The following GDF7 variants were observed in gnomAD, a reference collection of about 807,000 sequenced individuals.
GDF7 encodes the protein growth differentiation factor 7, also known as growth/differentiation factor 7.
In GDF7, 12 loss-of-function variants were observed where a neutral mutation model predicts 13.4. The ratio of observed to expected loss-of-function variants is 0.90; its 90% CI spans 0.57 to 1.45. The LOEUF (loss-of-function observed/expected upper bound fraction) is 1.45, where lower values mean the gene tolerates loss of function less well. GDF7 is among the 40% of genes most tolerant of loss of function. GDF7 has a pLI of 0.00. For synonymous variants in GDF7, 330 were observed against 306.4 expected (o/e 1.08, Z -0.80); for missense variants, 651 against 652.4 (o/e 1.00, Z 0.02).
In GDF7 at chr2:20,673,981, G is replaced by A. The variant is rs1046583509; in HGVS notation, c.*2556G>A. On this transcript the variant is annotated 3_prime_UTR_variant, in exon 2 of 2. Coordinates refer to ENST00000272224, the MANE Select transcript of GDF7 (RefSeq NM_182828.4). ...TCTGGCATCTCAGTCCATTCACTAG[G>A]TGAATGCAGAGGATCCATTTCACTT... 3 of 152,266 alleles carry A rather than the reference G, an allele frequency of 2.0e-5. No individual in the cohort carries two copies. The highest frequency in any genetic ancestry group is 4.4e-5 in the Non-Finnish European group (3 of 68,052). 9.4% of individuals were successfully genotyped at this position (152,266 alleles called of 1,614,324 possible). A position where few individuals can be genotyped will look rare whatever the true frequency, so the allele number is the denominator to read the frequency against.
chr2:20,673,873 CTCTT>C lies in GDF7; in HGVS notation c.*2450_*2453del, dbSNP rs1662173337. 6.6e-6 allele frequency: 1 copy of C among 152,224 alleles called. No individual in the cohort carries two copies. Among genetic ancestry groups the C allele is most frequent in the Non-Finnish European group, 1.5e-5 (1 of 68,054 alleles). 9.4% of individuals were successfully genotyped at this position (152,224 alleles called of 1,614,324 possible). On this transcript the variant is annotated 3_prime_UTR_variant, in exon 2 of 2. Coordinates refer to ENST00000272224, the MANE Select transcript of GDF7 (RefSeq NM_182828.4). ...TCCATGGCCCCATACCCTCAGTGTG[CTCTT>C]TGTTTACTGGATAAAAGGAATGCTT...
rs1695971569 is a variant in GDF7, at chr2:20,667,239, C to T, written c.-1C>T. 1.6e-6 allele frequency: 2 copies of T among 1,230,840 alleles called. No homozygotes were observed. The highest frequency in any genetic ancestry group is 3.9e-5 in the East Asian group (1 of 25,550). The allele number at this position is 1,230,840 out of a possible 1,614,324, so 76.2% of individuals were successfully genotyped here. On this transcript the variant is annotated 5_prime_UTR_variant, in exon 1 of 2. Coordinates refer to ENST00000272224, the MANE Select transcript of GDF7 (RefSeq NM_182828.4). The surrounding 1 kb of genome is among the most constrained non-coding windows in gnomAD (Gnocchi z 6.4). ...GCCCGCCCGCCCGGCCCACGGAGCC[C>T]ATGGACCTGAGCGCCGCCGCCGCGC...
chr2:20,677,862 G>A lies in GDF7; in HGVS notation c.*6437G>A, dbSNP rs1558365585. On this transcript the variant is annotated 3_prime_UTR_variant, in exon 2 of 2. Coordinates refer to ENST00000272224, the MANE Select transcript of GDF7 (RefSeq NM_182828.4). ...AATGAGTCTGAAAAGCAGTGACCAGGTGTGTTGAGGGCCTCCCCTTGCCTG... is the reference window on the plus strand; with the variant it reads ...AATGAGTCTGAAAAGCAGTGACCAGATGTGTTGAGGGCCTCCCCTTGCCTG... 1 of 152,474 alleles carries A rather than the reference G, an allele frequency of 6.6e-6. No individual in the cohort carries two copies. The highest frequency in any genetic ancestry group is 1.5e-5 in the Non-Finnish European group (1 of 68,230). 9.4% of individuals were successfully genotyped at this position (152,474 alleles called of 1,614,324 possible).
rs376857749 is a variant in GDF7 at position 20,671,296 on chromosome 2, C to G, written c.1224C>G (p.Asp408Glu). 1.1e-5 allele frequency: 17 copies of G among 1,613,682 alleles called. No individual in the cohort carries two copies. In the African/African-American group the frequency reaches 2.1e-4, roughly 20 times the overall value. Residue 408 changes from aspartate to glutamate, a missense_variant, in exon 2 of 2, where the codon GAC becomes GAG. Asp to Glu is a conservative substitution (Grantham distance 45). Coordinates refer to ENST00000272224, the MANE Select transcript of GDF7 (RefSeq NM_182828.4). Reference protein sequence around the residue: ...IQTLLNSMAPDAAPASCCVPA... With the variant: ...IQTLLNSMAPEAAPASCCVPA... ...CGCTGCTCAACTCCATGGCACCAGA[C>G]GCGGCGCCGGCCTCCTGCTGTGTGC...
intron 1 of GDF7, among the ~76,000 whole-genome samples, chr2:20,668,197 T>C (rs1386488141): frequency 6.6e-6 from 1 of 152,096 alleles, no homozygotes; most frequent in Non-Finnish European, 1.5e-5. Flanking sequence ...AGTGCCCTGC[T>C]CAGCAGGTTG....
rs762496472 is a variant in GDF7 at position 20,671,363 on chromosome 2, G to A, written c.1291G>A (p.Ala431Thr). ...SPISILYIDA[A>T]NNVVYKQYED... The stretch of plus-strand genomic sequence containing the variant: ...CATCAGCATCCTCTACATCGACGCC[G>A]CCAACAACGTTGTCTACAAGCAATA... The change falls in exon 2 of 2, where the codon GCC becomes ACC. Residue 431 changes from alanine to threonine, a missense_variant. Around this residue, in one of 4 missense-constraint regions of GDF7, gnomAD observed 101 missense variants for 139.2 expected, o/e 0.73. Transcript: ENST00000272224. 56 of 1,612,932 alleles carry A rather than the reference G, an allele frequency of 3.5e-5. 2 individuals are homozygous for A. The South Asian group carries it at 5.7e-4, about 16-fold the overall frequency.
Position 20,667,250 on chromosome 2 carries a change from G to A in GDF7, c.11G>A (p.Ser4Asn). The stretch of plus-strand genomic sequence containing the variant: ...CGGCCCACGGAGCCCATGGACCTGA[G>A]CGCCGCCGCCGCGCTGTGCCTTTGG... MDLSAAAALCLWLL... is the reference protein window; with the variant it reads MDLNAAAALCLWLL... Residue 4 changes from serine to asparagine, a missense_variant, in exon 1 of 2, where the codon AGC (serine) becomes AAC (asparagine). By Grantham distance (46) the Ser-to-Asn change is conservative. Coordinates refer to ENST00000272224, the MANE Select transcript of GDF7 (RefSeq NM_182828.4). This position sits in a 1 kb window ranked among gnomAD's most constrained non-coding sequence, Gnocchi z 6.4. 8.1e-7 allele frequency: 1 copy of A among 1,235,934 alleles called. No individual in the cohort carries two copies. The highest frequency in any genetic ancestry group is 1.0e-6 in the Non-Finnish European group (1 of 982,686). 76.6% of individuals were successfully genotyped at this position (1,235,934 alleles called of 1,614,324 possible). A position where few individuals can be genotyped will look rare whatever the true frequency, so the allele number is the denominator to read the frequency against.
chr2:20,671,105 G>C lies in GDF7; in HGVS notation c.1033G>C (p.Gly345Arg). 6.3e-7 allele frequency: 1 copy of C among 1,595,678 alleles called. No homozygotes were observed. The highest frequency in any genetic ancestry group is 8.5e-7 in the Non-Finnish European group (1 of 1,171,582). Residue 345 changes from glycine (G) to arginine (R), a missense_variant, in exon 2 of 2, where the codon GGC becomes CGC. By Grantham distance (125) the Gly-to-Arg change is moderately radical. Around this residue, in one of 4 missense-constraint regions of GDF7, gnomAD observed 487 missense variants for 445.9 expected, o/e 1.09. Transcript: ENST00000272224. ...GGAGRGHGRR[G>R]RSRCSRKPLH... is the part of the protein sequence containing the mutation. ...CGCGGGCCGGGGCCACGGGCGCAGG[G>C]GCCGGAGCCGCTGCAGCCGCAAGCC... is the stretch of plus-strand genomic sequence containing the variant.
At position 20,677,143 on chromosome 2, in the gene GDF7, C is replaced by T. The variant is rs921191054; in HGVS notation, c.*5718C>T. The stretch of plus-strand genomic sequence containing the variant: ...ATGATACAAGAAGTACAGTTTCACT[C>T]TTTTTTTGTCAGATGAACTTCCTTC... On this transcript the variant is annotated 3_prime_UTR_variant, in exon 2 of 2. Transcript: ENST00000272224. The T allele has an allele frequency of 6.6e-6, 1 of 152,154 alleles. No homozygotes were observed. Among genetic ancestry groups the T allele is most frequent in the Non-Finnish European group, 1.5e-5 (1 of 68,016 alleles). The allele number at this position is 152,154 out of a possible 1,614,324, so 9.4% of individuals were successfully genotyped here.
At position 20,670,653 on chromosome 2, in the gene GDF7, TGCTGTACTCGCGGGCA is replaced by T; in HGVS notation, c.586_601del (p.Tyr196SerfsTer3). The T allele has an allele frequency of 6.5e-7, 1 of 1,544,270 alleles. No individual in the cohort carries two copies. Among genetic ancestry groups the T allele is most frequent in the Non-Finnish European group, 8.7e-7 (1 of 1,149,262 alleles). On this transcript the variant is annotated frameshift_variant, in exon 2 of 2. Transcript: ENST00000272224. LOFTEE classifies it low-confidence loss of function (END_TRUNC). ...CCGGGCGCCGCCCGAGCGCCACGCCTGCTGTACTCGCGGGCAGCTGAGCCCCTAGTCGGTCAGCGCT... is the reference window on the plus strand; with the variant it reads ...CCGGGCGCCGCCCGAGCGCCACGCCTGCTGAGCCCCTAGTCGGTCAGCGCT...
rs972193116 is a variant in GDF7, at chr2:20,667,211, G to GCCGC, written c.-17_-14dup. ...GACTTCCCGGAGCCACGGAGCCCGC[G>GCCGC]CCGCCCGCCCGCCCGGCCCACGGAG... On this transcript the variant is annotated 5_prime_UTR_variant, in exon 1 of 2. Transcript: ENST00000272224. This position sits in a 1 kb window ranked among gnomAD's most constrained non-coding sequence, Gnocchi z 6.4. The GCCGC allele has an allele frequency of 1.1e-4, 131 of 1,156,836 alleles. No individual in the cohort carries two copies. Among genetic ancestry groups the GCCGC allele is most frequent in the Non-Finnish European group, 1.4e-4 (128 of 939,748 alleles). 71.7% of individuals were successfully genotyped at this position (1,156,836 alleles called of 1,614,324 possible).
chr2:20,670,818 G>C lies in GDF7; in HGVS notation c.746G>C (p.Arg249Pro). Reference sequence around the variant, plus strand: ...GTGCCGAGCCCGTTGGCACTGCGGCGGCTGGGCTTCGGCTGGCCGGGCGGA... The same window carrying C: ...GTGCCGAGCCCGTTGGCACTGCGGCCGCTGGGCTTCGGCTGGCCGGGCGGA... ...GPVPSPLALR[R>P]LGFGWPGGGG... The change falls in exon 2 of 2, where the codon CGG becomes CCG. Residue 249 changes from arginine to proline, a missense_variant. Coordinates refer to ENST00000272224, the MANE Select transcript of GDF7 (RefSeq NM_182828.4). The C allele has an allele frequency of 6.7e-7, 1 of 1,495,166 alleles. No homozygotes were observed. Among genetic ancestry groups the C allele is most frequent in the Non-Finnish European group, 8.9e-7 (1 of 1,128,600 alleles). The allele number at this position is 1,495,166 out of a possible 1,614,324, so 92.6% of individuals were successfully genotyped here.
chr2:20,676,598 G>A lies in GDF7; in HGVS notation c.*5173G>A, dbSNP rs1433853578. On this transcript the variant is annotated 3_prime_UTR_variant, in exon 2 of 2. Transcript: ENST00000272224. ...TGAAAGTTGGCCTAGTGAATCAGAG[G>A]GGTGACTGAGGGCCTAGAAGTTGCC... The A allele has an allele frequency of 1.3e-5, 2 of 152,336 alleles. No homozygotes were observed. Among genetic ancestry groups the A allele is most frequent in the Admixed American group, 6.5e-5 (1 of 15,292 alleles). The allele number at this position is 152,336 out of a possible 1,614,324, so 9.4% of individuals were successfully genotyped here.
chr2:20,669,101 G>C (rs868322491), intron 1 of GDF7, among the ~76,000 whole-genome samples: 1 of 152,224 alleles, frequency 6.6e-6, no homozygotes, highest in African/African-American at 2.4e-5. Flanking sequence ...GGGAAACAGA[G>C]TGGCAGGGCT....
Position 20,678,922 on chromosome 2 carries a change from G to T in GDF7, c.*7497G>T, listed in dbSNP as rs193027059. 6.6e-6 allele frequency: 1 copy of T among 152,294 alleles called. No individual in the cohort carries two copies. Among genetic ancestry groups the T allele is most frequent in the Admixed American group, 6.5e-5 (1 of 15,304 alleles). 9.4% of individuals were successfully genotyped at this position (152,294 alleles called of 1,614,324 possible). ...GCTGGTGTAGCCACAGCAGAACTCCGAGGCTTGCAGGCTGGGCTGTCTCCT... is the reference window on the plus strand; with the variant it reads ...GCTGGTGTAGCCACAGCAGAACTCCTAGGCTTGCAGGCTGGGCTGTCTCCT... On this transcript the variant is annotated 3_prime_UTR_variant, in exon 2 of 2. Transcript: ENST00000272224.
intron 1 of GDF7, among the ~76,000 whole-genome samples, chr2:20,669,712 T>TTTGG (rs1662076957): frequency 6.6e-6 from 1 of 152,226 alleles, no homozygotes; most frequent in Non-Finnish European, 1.5e-5. Flanking sequence ...GGGGTTGCGA[T>TTTGG]CGCGAGCAGC....
rs768565449 is a variant in GDF7, at chr2:20,670,953, C to T, written c.881C>T (p.Ala294Val). 6.4e-7 allele frequency: 1 copy of T among 1,567,434 alleles called. No individual in the cohort carries two copies. Among genetic ancestry groups the T allele is most frequent in the African/African-American group, 1.4e-5 (1 of 71,886 alleles). ...GCCCAGGCCCGCGCGCTCGGGGCCG[C>T]TCTGGCCTCAGAGCCGCTGCCCGAC... is the stretch of plus-strand genomic sequence containing the variant. ...IRAQARALGA[A>V]LASEPLPDPG... Residue 294 changes from alanine (A) to valine (V), a missense_variant, in exon 2 of 2, where the codon GCT becomes GTT. By Grantham distance (64) the Ala-to-Val change is moderately conservative (BLOSUM62 0). Transcript: ENST00000272224.
Position 20,669,378 on chromosome 2 carries a change from C to A in GDF7, c.392-1086C>A, listed in dbSNP as rs1051674010. 1.6e-4 allele frequency among the ~76,000 whole-genome samples: 25 copies of A among 152,218 alleles called. 3 individuals carry two copies. Among genetic ancestry groups the A allele is most frequent in the African/African-American group, 6.0e-4 (25 of 41,550 alleles). ...TAGGGGCAAAACGAAACCATATGAC[C>A]CCCTTCAAAGGGAGCTCCTTATCTG... On this transcript the variant is annotated intron_variant, in intron 1 of 1. Coordinates refer to ENST00000272224, the MANE Select transcript of GDF7 (RefSeq NM_182828.4).
chr2:20,672,145 T>TTTA lies in GDF7; in HGVS notation c.*720_*721insTTA, dbSNP rs1662138770. ...CCCCCGCCTTTTTTTTTTTTTTTTTTAATCAATTCCAATAGGAAATGTTAT... is the reference window on the plus strand; with the variant it reads ...CCCCCGCCTTTTTTTTTTTTTTTTTTTTAAATCAATTCCAATAGGAAATGTTAT... On this transcript the variant is annotated 3_prime_UTR_variant, in exon 2 of 2. Transcript: ENST00000272224. 7.1e-6 allele frequency: 1 copy of TTTA among 140,652 alleles called. No homozygotes were observed. Among genetic ancestry groups the TTTA allele is most frequent in the Non-Finnish European group, 1.6e-5 (1 of 63,312 alleles). The allele number at this position is 140,652 out of a possible 1,614,324, so 8.7% of individuals were successfully genotyped here.
Sources: allele counts gnomAD v4.1 joint callset (sites outside exome capture counted in the v4.1 genomes callset), GRCh38; gene constraint gnomAD v4.1.1; regional missense constraint gnomAD v4.1.1; non-coding constraint Gnocchi (gnomAD v3.1); transcripts MANE v1.5; gene names NCBI Gene and HGNC (gene_info 2026-07-23, HGNC 2026-07-21).